Variants in GRM3 observed in about 807,000 individuals in gnomAD.
The protein encoded by GRM3 is glutamate metabotropic receptor 3, also known as metabotropic glutamate receptor 3.
Under a neutral mutation model 70.5 loss-of-function variants are expected in GRM3, and 26 were observed. That is an observed-to-expected ratio of 0.37 (90% confidence interval 0.27 to 0.51). The LOEUF is 0.51. Ranked by LOEUF, GRM3 falls within the 20% of genes least tolerant of loss-of-function variation. GRM3 has a pLI of 0.93. For missense variants in GRM3, 859 were observed against 1,123.8 expected (o/e 0.76, Z 3.37); for synonymous variants, 443 against 434.9 (o/e 1.02, Z -0.23).
intron 1 of GRM3, among the ~76,000 whole-genome samples, chr7:86,704,182 G>A (rs187897481): frequency 6.6e-5 from 10 of 151,872 alleles, no homozygotes; most frequent in East Asian, 1.9e-4. Flanking sequence ...AAGTACTAGC[G>A]TTTTTCTCAT....
At chr7:86,696,136 G>C (rs1266773245) in intron 1 of GRM3, among the ~76,000 whole-genome samples, 1 of 152,164 alleles carries the variant, frequency 6.6e-6, no homozygotes, top group Non-Finnish European at 1.5e-5. Flanking sequence ...TGCTCAGTCT[G>C]TCTGTAGAAG....
chr7:86,858,167 A>G (rs1798887364), intron 5 of GRM3, among the ~76,000 whole-genome samples: 1 of 151,998 alleles, frequency 6.6e-6, no homozygotes, highest in African/African-American at 2.4e-5. Context: ...CATGTTAGCC[A>G]GGATGGTCTT....
chr7:86,650,457 CAAA>C (rs1440219401), intron 1 of GRM3, among the ~76,000 whole-genome samples: 1 of 151,958 alleles, frequency 6.6e-6, no homozygotes, highest in East Asian at 1.9e-4. Flanking sequence ...GTAAGGAGGG[CAAA>C]CAATAATCAA....
At chr7:86,733,111 G>C (rs1049038780) in intron 1 of GRM3, among the ~76,000 whole-genome samples, 1 of 151,926 alleles carries the variant, frequency 6.6e-6, no homozygotes, top group Non-Finnish European at 1.5e-5. Flanking sequence ...TCAGGAGATC[G>C]AGACCATCCT....
intron 1 of GRM3, among the ~76,000 whole-genome samples, chr7:86,678,177 T>A (rs1794352484): frequency 6.6e-6 from 1 of 151,978 alleles, no homozygotes; most frequent in Non-Finnish European, 1.5e-5. Context: ...ATGGAATTTT[T>A]ATTTTATTCT....
rs112105033 is a variant in GRM3 at position 86,695,338 on chromosome 7, TAA to T, written c.-141+50468_-141+50469del. ...CAGATTCTGCTTCAATTCTGAAAAT[TAA>T]AGTTATATAATCCCTAGAATTAAAA... On this transcript the variant is annotated intron_variant, in intron 1 of 5. Coordinates refer to ENST00000361669, the MANE Select transcript of GRM3 (RefSeq NM_000840.3). 7.4e-3 allele frequency among the ~76,000 whole-genome samples: 1,130 copies of T among 152,316 alleles called. 20 individuals are homozygous for T. Among genetic ancestry groups the T allele is most frequent in the African/African-American group, 0.026 (1,062 of 41,558 alleles).
rs183607661 is a variant in GRM3, at chr7:86,845,191, C to A, written c.2392-5179C>A. Among the ~76,000 whole-genome samples the A allele has an allele frequency of 8.5e-5, 13 of 152,148 alleles. No individual in the cohort carries two copies. The East Asian group carries it at 2.1e-3, about 25-fold the overall frequency. ...TGATGAGAGCCACTGCACCCAGCCT[C>A]GTCCTGATTTCTACAAGGCAACGCA... On this transcript the variant is annotated intron_variant, in intron 4 of 5. Coordinates refer to ENST00000361669, the MANE Select transcript of GRM3 (RefSeq NM_000840.3).
intron 1 of GRM3, among the ~76,000 whole-genome samples, chr7:86,700,511 T>G (rs897116243): frequency 6.6e-6 from 1 of 151,970 alleles, no homozygotes; most frequent in Non-Finnish European, 1.5e-5. Flanking sequence ...TTTTTCACTG[T>G]AATTTGCACT....
intron 1 of GRM3, among the ~76,000 whole-genome samples, chr7:86,654,309 A>G: frequency 6.6e-6 from 1 of 152,240 alleles, no homozygotes; most frequent in Non-Finnish European, 1.5e-5. Flanking sequence ...AATAAAAAAC[A>G]GAGCACACCC....
At chr7:86,748,395 T>A (rs1796154697) in intron 1 of GRM3, among the ~76,000 whole-genome samples, 1 of 151,748 alleles carries the variant, frequency 6.6e-6, no homozygotes, top group Non-Finnish European at 1.5e-5. Context: ...AGAAGAAAAA[T>A]ATATATTGGA....
rs201459222 is a variant in GRM3, at chr7:86,786,980, G to A, written c.1188G>A (p.Ala396=). ...CCAAGATCATGTTTGTGGTGAACGC[G>A]GTGTATGCCATGGCCCACGCTTTGC... ...QESKIMFVVN[A]VYAMAHALHK... Residue 396 remains alanine, a synonymous_variant, in exon 3 of 6, where the codon GCG becomes GCA. Transcript: ENST00000361669. This position sits in a 1 kb window ranked among gnomAD's most constrained non-coding sequence, Gnocchi z 6.0. 130 of 1,614,114 alleles carry A rather than the reference G, an allele frequency of 8.1e-5. No homozygotes were observed. Among genetic ancestry groups the A allele is most frequent in the Non-Finnish European group, 1.1e-4 (125 of 1,179,980 alleles).
At position 86,829,567 on chromosome 7, in the gene GRM3, C is replaced by T. The variant is rs183114114; in HGVS notation, c.1325-9272C>T. ...GACCATCATAAGGTCATTAATTGGC[C>T]TAATGTAAATATTGTTGTGTCTCAG... is the stretch of plus-strand genomic sequence containing the variant. On this transcript the variant is annotated intron_variant, in intron 3 of 5. Coordinates refer to ENST00000361669, the MANE Select transcript of GRM3 (RefSeq NM_000840.3). Among the ~76,000 whole-genome samples, 133 of 152,156 alleles carry T rather than the reference C, an allele frequency of 8.7e-4. 2 individuals carry two copies. Among genetic ancestry groups the T allele is most frequent in the Admixed American group, 8.6e-3 (132 of 15,282 alleles).
chr7:86,821,063 G>C (rs142837547), intron 3 of GRM3, among the ~76,000 whole-genome samples: 2 of 152,088 alleles, frequency 1.3e-5, no homozygotes, highest in African/African-American at 4.8e-5. Flanking sequence ...TAATAGTCAC[G>C]CAAAACTTGG....
At chr7:86,848,678 G>GT (rs1798702463) in intron 4 of GRM3, among the ~76,000 whole-genome samples, 1 of 152,068 alleles carries the variant, frequency 6.6e-6, no homozygotes, top group Admixed American at 6.6e-5. Context: ...ATGCATAATG[G>GT]TTTTTGTGTG....
intron 2 of GRM3, among the ~76,000 whole-genome samples, chr7:86,768,066 T>C (rs953860106): frequency 3.3e-5 from 5 of 152,142 alleles, no homozygotes; most frequent in Non-Finnish European, 7.4e-5. Context: ...CATGCTATAA[T>C]GGAAACAGTG....
At chr7:86,755,924 A>T (rs1796335022) in intron 1 of GRM3, among the ~76,000 whole-genome samples, 1 of 152,272 alleles carries the variant, frequency 6.6e-6, no homozygotes, top group East Asian at 1.9e-4. Context: ...TTAAGCTAAC[A>T]ATATCTAATG....
chr7:86,688,252 A>C (rs1282317529), intron 1 of GRM3, among the ~76,000 whole-genome samples: 2 of 151,804 alleles, frequency 1.3e-5, no homozygotes, highest in Admixed American at 6.6e-5. Context: ...TGTTTACAGA[A>C]GTAACATTGT....
intron 1 of GRM3, among the ~76,000 whole-genome samples, chr7:86,750,514 G>A (rs114047600): frequency 1.1e-4 from 16 of 152,016 alleles, no homozygotes; most frequent in Non-Finnish European, 2.1e-4. Flanking sequence ...AGTTATCTTA[G>A]TGTTTCCTAG....
chr7:86,786,223 G>C lies in GRM3; in HGVS notation c.469-38G>C, dbSNP rs200095712. The C allele has an allele frequency of 6.4e-7, 1 of 1,568,758 alleles. No homozygotes were observed. ...ATTTTCATGTCCAGTCATCTACCTCGGGGTTTCTAACAAAGGTCCTTCTTC... is the reference window on the plus strand; with the variant it reads ...ATTTTCATGTCCAGTCATCTACCTCCGGGTTTCTAACAAAGGTCCTTCTTC... On this transcript the variant is annotated intron_variant, in intron 2 of 5. Coordinates refer to ENST00000361669, the MANE Select transcript of GRM3 (RefSeq NM_000840.3). The surrounding 1 kb of genome is among the most constrained non-coding windows in gnomAD (Gnocchi z 6.0).
Sources: gnomAD v4.1 joint callset for allele counts (sites outside exome capture counted in the v4.1 genomes callset) on GRCh38, gnomAD v4.1.1 for gene constraint, Gnocchi (gnomAD v3.1) non-coding constraint, MANE v1.5 for transcripts, NCBI Gene and HGNC (gene_info 2026-07-23, HGNC 2026-07-21) for gene names.